The following ZNF337 variants were observed in gnomAD, a reference collection of about 807,000 sequenced individuals.
The protein encoded by ZNF337 is zinc finger protein 337.
A neutral mutation model predicts 12.1 loss-of-function variants in ZNF337; 8 were observed. The observed-to-expected ratio is 0.66, with a 90% confidence interval of 0.39 to 1.19. The LOEUF (loss-of-function observed/expected upper bound fraction) is 1.19, where lower values mean the gene tolerates loss of function less well. ZNF337 is among the 50% of genes most tolerant of loss of function. The pLI is 0.01. For synonymous variants in ZNF337, 336 were observed against 320.0 expected, an observed-to-expected ratio of 1.05 and a Z score of -0.53; for missense variants, 882 against 896.6, an observed-to-expected ratio of 0.98 and a Z score of 0.21.
chr20:25,690,501 T>C (rs1426213894), intron 1 of ZNF337, among the ~76,000 whole-genome samples: 1 of 152,182 alleles, frequency 6.6e-6, no homozygotes, highest in Non-Finnish European at 1.5e-5. Flanking sequence ...GAAAGCACAG[T>C]AGACCTTTCT....
At chr20:25,696,675 C>T (rs1290707153) in intron 1 of ZNF337, 84 bp downstream of exon 1, 2 of 909,800 alleles carry the variant, frequency 2.2e-6, no homozygotes, top group Non-Finnish European at 1.3e-6. Flanking sequence ...CCCAGCAGCG[C>T]CCTCACGTCC....
chr20:25,676,049 A>G lies in ZNF337; in HGVS notation c.1239T>C (p.Phe413=), dbSNP rs1272476872. ...PFVCKDCERS[F]SQKSTLVYHQ... ...GGTAGACAAGAGTTGACTTTTGGCT[A>G]AAGCTTCGCTCACAATCCTTGCACA... is the stretch of plus-strand genomic sequence containing the variant. The change falls in exon 5 of 5, where the codon TTT becomes TTC. Residue 413 remains phenylalanine, a synonymous_variant. Coordinates refer to ENST00000252979, the MANE Select transcript of ZNF337 (RefSeq NM_015655.4). The G allele has an allele frequency of 2.5e-6, 4 of 1,614,132 alleles. No individual in the cohort carries two copies. The highest frequency in any genetic ancestry group is 3.4e-6 in the Non-Finnish European group (4 of 1,180,014).
In ZNF337 at chr20:25,675,255, A is replaced by T. The variant is rs1236370426; in HGVS notation, c.2033T>A (p.Ile678Lys). The T allele has an allele frequency of 6.2e-7, 1 of 1,614,052 alleles. No homozygotes were observed. The highest frequency in any genetic ancestry group is 1.7e-5 in the Admixed American group (1 of 60,018). Residue 678 changes from isoleucine (I) to lysine (K), a missense_variant, in exon 5 of 5, where the codon ATA becomes AAA. Physicochemically the swap from Ile to Lys is moderately radical, Grantham distance 102. Coordinates refer to ENST00000252979, the MANE Select transcript of ZNF337 (RefSeq NM_015655.4). ...AACAAAAGGCTTCTCCTTTGAGTGT[A>T]TCCGCCAGTGGTGTCTGGTGAGACT... ...KRSLTRHHWRIHSKEKPFVCQ... is the reference protein window; with the variant it reads ...KRSLTRHHWRKHSKEKPFVCQ...
rs2065937757 is a variant in ZNF337, at chr20:25,696,816, C to T, written c.-107G>A. The T allele has an allele frequency of 1.0e-6, 1 of 985,552 alleles. No individual in the cohort carries two copies. The highest frequency in any genetic ancestry group is 4.7e-5 in the South Asian group (1 of 21,292). The allele number at this position is 985,552 out of a possible 1,614,324, so 61.1% of individuals were successfully genotyped here. Reference sequence around the variant, plus strand: ...GTCACCGATGGTGGACCACGCATCTCACGGCTCGCTGACGCCCAGGGATCT... The same window carrying T: ...GTCACCGATGGTGGACCACGCATCTTACGGCTCGCTGACGCCCAGGGATCT... On this transcript the variant is annotated 5_prime_UTR_variant, in exon 1 of 5. Transcript: ENST00000252979.
chr20:25,695,799 C>T (rs979664578), intron 1 of ZNF337, among the ~76,000 whole-genome samples: 3 of 152,086 alleles, frequency 2.0e-5, no homozygotes, highest in Non-Finnish European at 4.4e-5. Context: ...AGTGCTGGGA[C>T]TACAGGCATG....
chr20:25,691,287 A>C (rs1373327083), intron 1 of ZNF337, among the ~76,000 whole-genome samples: 2 of 152,212 alleles, frequency 1.3e-5, no homozygotes, highest in Non-Finnish European at 2.9e-5. Flanking sequence ...AAGAGAAAAG[A>C]ATGAAATAAA....
At chr20:25,682,717 C>T (rs1006189773) in intron 4 of ZNF337, among the ~76,000 whole-genome samples, 16 of 152,166 alleles carry the variant, frequency 1.1e-4, no homozygotes, top group African/African-American at 3.9e-4. Flanking sequence ...GACATGTAGT[C>T]CCAGCTACTC....
intron 1 of ZNF337, among the ~76,000 whole-genome samples, chr20:25,695,549 G>A: frequency 6.6e-6 from 1 of 152,020 alleles, no homozygotes; most frequent in East Asian, 1.9e-4. Flanking sequence ...TTCTCTTATT[G>A]ATTTATGATT....
At chr20:25,689,493 C>G (rs1405106267) in intron 1 of ZNF337, among the ~76,000 whole-genome samples, 1 of 152,168 alleles carries the variant, frequency 6.6e-6, no homozygotes, top group East Asian at 1.9e-4. Flanking sequence ...TGTAAGGGCA[C>G]ATGAGAACTC....
intron 1 of ZNF337, among the ~76,000 whole-genome samples, chr20:25,693,502 C>A (rs376152825): frequency 9.2e-5 from 14 of 152,310 alleles, no homozygotes; most frequent in African/African-American, 2.4e-4. Flanking sequence ...GTCCCTGGGA[C>A]AGGACAATGG....
At position 25,676,190 on chromosome 20, in the gene ZNF337, GT is replaced by G; in HGVS notation, c.1097del (p.His366ProfsTer22). 1 of 1,614,066 alleles carries G rather than the reference GT, an allele frequency of 6.2e-7. No individual in the cohort carries two copies. Among genetic ancestry groups the G allele is most frequent in the Non-Finnish European group, 8.5e-7 (1 of 1,180,032 alleles). ...GFSNKSHLITHQRTHSGEKPF... is the reference protein window; with the variant it reads ...GFSNKSHLITXQRTHSGEKPF... ...GCTTCTCCCCTGAGTGTGTCCTCTG[GT>G]GTGTGATAAGGTGTGACTTATTGCT... On this transcript the variant is annotated frameshift_variant, in exon 5 of 5. Transcript: ENST00000252979. LOFTEE classifies it low-confidence loss of function (END_TRUNC).
intron 1 of ZNF337, among the ~76,000 whole-genome samples, chr20:25,695,770 G>A (rs2065918237): frequency 6.6e-6 from 1 of 152,032 alleles, no homozygotes; most frequent in African/African-American, 2.4e-5. Context: ...AGGCTGCTCT[G>A]GAACTCCTGG....
intron 1 of ZNF337, among the ~76,000 whole-genome samples, chr20:25,691,561 G>A (rs944243732): frequency 2.6e-5 from 4 of 152,114 alleles, no homozygotes; most frequent in East Asian, 3.9e-4. Context: ...TAGTGGCATC[G>A]TGCCTCTCTC....
rs1030426380 is a variant in ZNF337, at chr20:25,686,450, G to C, written c.-33C>G. 1.2e-5 allele frequency: 19 copies of C among 1,613,014 alleles called. No individual in the cohort carries two copies. The highest frequency in any genetic ancestry group is 1.6e-5 in the Non-Finnish European group (19 of 1,179,566). ...TTCCTGCTCTCCACGGAGAAGGGAA[G>C]CTTGCAGATGGCCAATCTGTGGGAG... On this transcript the variant is annotated 5_prime_UTR_variant, in exon 2 of 5. Coordinates refer to ENST00000252979, the MANE Select transcript of ZNF337 (RefSeq NM_015655.4).
At chr20:25,683,291 G>A (rs181170930) in intron 4 of ZNF337, among the ~76,000 whole-genome samples, 18 of 151,944 alleles carry the variant, frequency 1.2e-4, no homozygotes, top group African/African-American at 3.4e-4. Flanking sequence ...GAACCACTGC[G>A]GTGACTACAG....
At position 25,675,238 on chromosome 20, in the gene ZNF337, G is replaced by A. The variant is rs147908423; in HGVS notation, c.2050C>T (p.Pro684Ser). The A allele has an allele frequency of 6.2e-7, 1 of 1,614,182 alleles. No homozygotes were observed. The change falls in exon 5 of 5, where the codon CCT (proline) becomes TCT (serine). Residue 684 changes from proline to serine, a missense_variant. Transcript: ENST00000252979. Reference protein sequence around the residue: ...HHWRIHSKEKPFVCQECKRGY... With the variant: ...HHWRIHSKEKSFVCQECKRGY... ...CGCTTACACTCCTGGCAAACAAAAG[G>A]CTTCTCCTTTGAGTGTATCCGCCAG...
rs750824750 is a variant in ZNF337, at chr20:25,686,387, T to G, written c.27+4A>C. 6.2e-7 allele frequency: 1 copy of G among 1,613,594 alleles called. No homozygotes were observed. Among genetic ancestry groups the G allele is most frequent in the South Asian group, 1.1e-5 (1 of 91,074 alleles). ...GCAAGAACGACAGTTCTGGGAAGTC[T>G]CACCTGTCTCCTGGCTCCCTGAGGT... On this transcript the variant is annotated splice_donor_region_variant and intron_variant, in intron 2 of 4. Coordinates refer to ENST00000252979, the MANE Select transcript of ZNF337 (RefSeq NM_015655.4).
At chr20:25,687,182 C>G (rs2065841938) in intron 1 of ZNF337, among the ~76,000 whole-genome samples, 1 of 152,174 alleles carries the variant, frequency 6.6e-6, no homozygotes, top group Non-Finnish European at 1.5e-5. Context: ...ACTTTTGGAA[C>G]ATTCATGAGT....
At chr20:25,689,339 C>T (rs1378553991) in intron 1 of ZNF337, among the ~76,000 whole-genome samples, 1 of 152,084 alleles carries the variant, frequency 6.6e-6, no homozygotes, top group African/African-American at 2.4e-5. Context: ...CCACAGGTTG[C>T]TTACTCTATG....
Sources: gnomAD v4.1 joint callset for allele counts (sites outside exome capture counted in the v4.1 genomes callset) on GRCh38, gnomAD v4.1.1 for gene constraint, MANE v1.5 for transcripts, NCBI Gene and HGNC (gene_info 2026-07-23, HGNC 2026-07-21) for gene names.